The following CEP112 variants were observed in gnomAD, a reference collection of about 807,000 sequenced individuals.
The protein encoded by CEP112 is centrosomal protein 112, also known as centrosomal protein of 112 kDa.
Under a neutral mutation model 153.0 loss-of-function variants are expected in CEP112, and 127 were observed. That is an observed-to-expected ratio of 0.83 (90% CI 0.72 to 0.96). The LOEUF is 0.96. Among genes scored for constraint, CEP112 ranks in the 40% least tolerant of loss-of-function variants. The pLI is 0.00. For missense variants in CEP112, 1,089 were observed against 1,101.2 expected, an observed-to-expected ratio of 0.99 and a Z score of 0.16; for synonymous variants, 358 against 374.4, an observed-to-expected ratio of 0.96 and a Z score of 0.51.
At chr17:66,029,619 G>C (rs370757915) in intron 13 of CEP112, among the ~76,000 whole-genome samples, 1 of 152,014 alleles carries the variant, frequency 6.6e-6, no homozygotes, top group South Asian at 2.1e-4. Context: ...AGGGAGAATC[G>C]TATGAGCCCA....
At chr17:66,146,019 G>A (rs2070903736) in intron 4 of CEP112, among the ~76,000 whole-genome samples, 1 of 151,914 alleles carries the variant, frequency 6.6e-6, no homozygotes, top group African/African-American at 2.4e-5. Flanking sequence ...GATCTGATTT[G>A]ATAATTAAGA....
chr17:65,693,689 A>G (rs1403446018), intron 23 of CEP112, among the ~76,000 whole-genome samples: 1 of 152,192 alleles, frequency 6.6e-6, no homozygotes, highest in South Asian at 2.1e-4. Flanking sequence ...GCTGGGTTGA[A>G]GGTGCTGGCG....
At chr17:65,943,499 T>C (rs926506827) in intron 18 of CEP112, among the ~76,000 whole-genome samples, 3 of 152,220 alleles carry the variant, frequency 2.0e-5, no homozygotes, top group Non-Finnish European at 4.4e-5. Context: ...AAATTCTGGG[T>C]TGGAAATTCT....
intron 19 of CEP112, among the ~76,000 whole-genome samples, chr17:65,913,184 T>A (rs1033567733): frequency 6.6e-6 from 1 of 152,198 alleles, no homozygotes; most frequent in African/African-American, 2.4e-5. Context: ...GTTACTAAAT[T>A]TTTTAGAGCT....
chr17:65,850,323 T>C (rs1293418305), intron 21 of CEP112, among the ~76,000 whole-genome samples: 1 of 152,064 alleles, frequency 6.6e-6, no homozygotes, highest in Admixed American at 6.6e-5. Flanking sequence ...TCTTCTTCCT[T>C]TCGGCAAAGA....
At chr17:65,638,096 G>T (rs1483115740) in intron 25 of CEP112, among the ~76,000 whole-genome samples, 1 of 152,224 alleles carries the variant, frequency 6.6e-6, no homozygotes, top group Non-Finnish European at 1.5e-5. Context: ...AGGATGACAT[G>T]AAACAACTAT....
intron 6 of CEP112, among the ~76,000 whole-genome samples, chr17:66,099,848 A>G (rs1162990213): frequency 1.3e-5 from 2 of 152,144 alleles, no homozygotes; most frequent in African/African-American, 2.4e-5. Flanking sequence ...TTTGATTCCC[A>G]TATCTCCCCA....
chr17:65,985,848 GT>G (rs372660518), intron 17 of CEP112, among the ~76,000 whole-genome samples: 4 of 146,000 alleles, frequency 2.7e-5, no homozygotes, highest in African/African-American at 7.5e-5. Flanking sequence ...AAGGGCTTTT[GT>G]TTTTTTTTTT....
intron 21 of CEP112, among the ~76,000 whole-genome samples, chr17:65,798,254 C>A (rs1402272842): frequency 6.6e-6 from 1 of 152,098 alleles, no homozygotes; most frequent in Admixed American, 6.6e-5. Flanking sequence ...ATAAAAAAAA[C>A]ACATTATATA....
At chr17:65,995,985 T>A (rs2145317544) in intron 17 of CEP112, among the ~76,000 whole-genome samples, 1 of 152,226 alleles carries the variant, frequency 6.6e-6, no homozygotes, top group East Asian at 1.9e-4. Flanking sequence ...GAACTGTGAG[T>A]CCATTAAACC....
At chr17:65,826,310 C>T in intron 21 of CEP112, 2 of 1,613,956 alleles carry the variant, frequency 1.2e-6, no homozygotes, top group Non-Finnish European at 1.7e-6. Flanking sequence ...CTTCGTTGAC[C>T]CCCATTAAGA....
At chr17:65,916,287 G>GTGTGTGTATGTGTGTATGTA (rs138734881) in intron 19 of CEP112, among the ~76,000 whole-genome samples, 3 of 147,492 alleles carry the variant, frequency 2.0e-5, no homozygotes, top group Non-Finnish European at 4.5e-5. Context: ...GTGTGTGTGT[G>GTGTGTGTATGTGTGTATGTA]TGTGTATGTG....
chr17:65,847,430 C>G (rs1419740927), intron 21 of CEP112, among the ~76,000 whole-genome samples: 1 of 152,164 alleles, frequency 6.6e-6, no homozygotes, highest in Non-Finnish European at 1.5e-5. Flanking sequence ...TTTTTTGAAA[C>G]TCCTCACCTA....
At chr17:65,763,960 G>A (rs992006045) in intron 21 of CEP112, among the ~76,000 whole-genome samples, 2 of 152,034 alleles carry the variant, frequency 1.3e-5, no homozygotes, top group Non-Finnish European at 2.9e-5. Flanking sequence ...TAACGTGTTA[G>A]GGAAGAGGAA....
intron 23 of CEP112, among the ~76,000 whole-genome samples, chr17:65,699,825 C>A (rs546452233): frequency 6.6e-6 from 1 of 152,282 alleles, no homozygotes; most frequent in African/African-American, 2.4e-5. Context: ...AAGTGTTTGA[C>A]TCCAGTACCC....
intron 21 of CEP112, among the ~76,000 whole-genome samples, chr17:65,816,271 T>C: frequency 6.6e-6 from 1 of 152,054 alleles, no homozygotes; most frequent in East Asian, 1.9e-4. Flanking sequence ...ACAGTCTAAG[T>C]TGTTTTTTAA....
At chr17:65,855,028 C>A (rs2058080345) in intron 20 of CEP112, among the ~76,000 whole-genome samples, 1 of 152,062 alleles carries the variant, frequency 6.6e-6, no homozygotes, top group Non-Finnish European at 1.5e-5. Flanking sequence ...TCCCCAAAAT[C>A]AATCCTGGAG....
chr17:65,999,817 G>A (rs141677880), intron 17 of CEP112, among the ~76,000 whole-genome samples: 4,819 of 152,050 alleles, frequency 0.032, 118 homozygotes, highest in Middle Eastern at 0.065. Flanking sequence ...GACAACATGC[G>A]GTATTTGGTT....
At position 65,990,311 on chromosome 17, in the gene CEP112, A is replaced by T. The variant is rs143663804; in HGVS notation, c.1736+15379T>A. Reference sequence around the variant, plus strand: ...AATTTTAACAACTATGTATAAAAAGAACCATCACAGGAACCAAAACTCAGG... The same window carrying T: ...AATTTTAACAACTATGTATAAAAAGTACCATCACAGGAACCAAAACTCAGG... On this transcript the variant is annotated intron_variant, in intron 17 of 26. Coordinates refer to ENST00000535342, the MANE Select transcript of CEP112 (RefSeq NM_001199165.4). 2.4e-3 allele frequency among the ~76,000 whole-genome samples: 371 copies of T among 152,352 alleles called. 4 individuals carry two copies. The highest frequency in any genetic ancestry group is 0.021 in the Admixed American group (321 of 15,304).
Sources: allele counts gnomAD v4.1 joint callset (sites outside exome capture counted in the v4.1 genomes callset), GRCh38; gene constraint gnomAD v4.1.1; transcripts MANE v1.5; gene names NCBI Gene and HGNC (gene_info 2026-07-23, HGNC 2026-07-21).